Variants in WASF1 observed in about 807,000 individuals in gnomAD.
WASF1 encodes actin-binding protein WASF1.
A neutral mutation model predicts 50.5 loss-of-function variants in WASF1; 7 were observed. The observed-to-expected ratio is 0.14, with a 90% CI of 0.08 to 0.26. The LOEUF (loss-of-function observed/expected upper bound fraction) is 0.26. Among genes scored for constraint, WASF1 ranks in the 10% least tolerant of loss-of-function variants. The pLI, the probability that WASF1 is intolerant of heterozygous loss-of-function variation, is 1.00. For missense variants in WASF1, 470 were observed against 694.7 expected, an observed-to-expected ratio of 0.68 and a Z score of 3.64; for synonymous variants, 205 against 244.0, an observed-to-expected ratio of 0.84 and a Z score of 1.49.
Position 110,101,511 on chromosome 6 carries a change from A to G in WASF1, c.1522+77T>C, listed in dbSNP as rs927957603. On this transcript the variant is annotated intron_variant, in intron 10 of 10. Transcript: ENST00000392589. ...TCACCTAAAATTTTATAGATAAGGA[A>G]CACATTTTTGTCTTAAATATTTAGA... is the stretch of plus-strand genomic sequence containing the variant. The G allele has an allele frequency of 3.3e-6, 5 of 1,513,020 alleles. No individual in the cohort carries two copies. In the African/African-American group the frequency reaches 7.0e-5, roughly 21 times the overall value. 93.7% of individuals were successfully genotyped at this position (1,513,020 alleles called of 1,614,324 possible). A position where few individuals can be genotyped will look rare whatever the true frequency, so the allele number is the denominator to read the frequency against.
intron 2 of WASF1, 31 bp from the exon 3 acceptor site, chr6:110,160,763 C>A (rs1036853891): frequency 1.3e-5 from 2 of 151,580 alleles, no homozygotes; most frequent in African/African-American, 4.8e-5. Flanking sequence ...AAATAATATC[C>A]AACATTTATT....
chr6:110,134,586 G>A (rs1414580220), intron 3 of WASF1, among the ~76,000 whole-genome samples: 1 of 151,832 alleles, frequency 6.6e-6, no homozygotes, highest in African/African-American at 2.4e-5. Flanking sequence ...CACCACGCCT[G>A]GCTAATTTTT....
intron 3 of WASF1, among the ~76,000 whole-genome samples, chr6:110,147,265 GA>G (rs1775612346): frequency 6.6e-6 from 1 of 150,694 alleles, no homozygotes; most frequent in South Asian, 2.1e-4. Flanking sequence ...AGAATGGCGT[GA>G]ACCCGGGAGG....
intron 2 of WASF1, among the ~76,000 whole-genome samples, chr6:110,168,081 C>T (rs527355840): frequency 1.3e-5 from 2 of 151,934 alleles, no homozygotes; most frequent in African/African-American, 4.8e-5. Context: ...TCTCTTATAC[C>T]TCAAAGAATA....
At chr6:110,116,298 T>C (rs966569727) in intron 4 of WASF1, among the ~76,000 whole-genome samples, 9 of 152,194 alleles carry the variant, frequency 5.9e-5, no homozygotes, top group Admixed American at 6.5e-5. Flanking sequence ...TGTGACAGAC[T>C]CTACCTGGAG....
intron 3 of WASF1, among the ~76,000 whole-genome samples, chr6:110,145,353 T>C (rs1218008937): frequency 6.6e-6 from 1 of 152,180 alleles, no homozygotes. Flanking sequence ...CTTAAGGAGA[T>C]TTTGGGCTGA....
chr6:110,115,024 C>T (rs536977885), intron 4 of WASF1, among the ~76,000 whole-genome samples: 4 of 150,264 alleles, frequency 2.7e-5, no homozygotes, highest in South Asian at 2.1e-4. Context: ...CCTAGGAGGT[C>T]GAGGCTATTG....
intron 4 of WASF1, among the ~76,000 whole-genome samples, chr6:110,123,150 T>C (rs1039139370): frequency 4.6e-5 from 7 of 152,344 alleles, no homozygotes; most frequent in African/African-American, 1.4e-4. Flanking sequence ...ATATGTAGAC[T>C]GTAGCATTTA....
intron 8 of WASF1, 29 bp downstream of exon 8, chr6:110,105,378 T>C (rs745601087): frequency 6.4e-7 from 1 of 1,571,908 alleles, no homozygotes; most frequent in South Asian, 1.2e-5. Flanking sequence ...TGTTTTATCA[T>C]TTAAAAAAAA....
At chr6:110,105,662 A>G in intron 7 of WASF1, 83 bp from the exon 8 acceptor site, 1 of 1,287,576 alleles carries the variant, frequency 7.8e-7, no homozygotes, top group Admixed American at 2.0e-5. Context: ...ATTAAACTCT[A>G]ACATCAACAC....
intron 8 of WASF1, 144 bp downstream of exon 8, chr6:110,105,263 C>G: frequency 1.1e-6 from 1 of 875,468 alleles, no homozygotes; most frequent in Non-Finnish European, 1.6e-6. Flanking sequence ...AGTAGGCTCA[C>G]AGTGGTCAGG....
At chr6:110,115,534 C>T (rs1773765734) in intron 4 of WASF1, among the ~76,000 whole-genome samples, 1 of 152,230 alleles carries the variant, frequency 6.6e-6, no homozygotes, top group South Asian at 2.1e-4. Flanking sequence ...TGTACAACAT[C>T]TCTGGCCACT....
At chr6:110,162,674 CA>C (rs1415481604) in intron 2 of WASF1, among the ~76,000 whole-genome samples, 1 of 151,342 alleles carries the variant, frequency 6.6e-6, no homozygotes, top group Non-Finnish European at 1.5e-5. Context: ...ATGATCTTAT[CA>C]AAAGATACTG....
rs533442123 is a variant in WASF1, at chr6:110,134,721, C to T, written c.-28-7092G>A. Among the ~76,000 whole-genome samples, 8 of 152,132 alleles carry T rather than the reference C, an allele frequency of 5.3e-5. No homozygotes were observed. The South Asian group carries it at 6.2e-4, about 12-fold the overall frequency. On this transcript the variant is annotated intron_variant, in intron 3 of 10. Transcript: ENST00000392589. ...GATTACAGGTGTGAGCCACCGCACC[C>T]GGCCTATGTGCCTATTTTTATACCA...
chr6:110,174,271 A>G (rs1168052947), intron 2 of WASF1, among the ~76,000 whole-genome samples: 2 of 152,102 alleles, frequency 1.3e-5, no homozygotes, highest in African/African-American at 2.4e-5. Flanking sequence ...TTTCCTTTAC[A>G]GCATTCACCA....
At chr6:110,137,626 C>A (rs1775027925) in intron 3 of WASF1, among the ~76,000 whole-genome samples, 1 of 152,180 alleles carries the variant, frequency 6.6e-6, no homozygotes, top group South Asian at 2.1e-4. Flanking sequence ...GACGAAAGGA[C>A]CCCAGGGAAG....
chr6:110,113,248 A>G, intron 5 of WASF1, 78 bp downstream of exon 5: 1 of 1,230,200 alleles, frequency 8.1e-7, no homozygotes, highest in Non-Finnish European at 1.1e-6. Context: ...ATTCATGATT[A>G]ATACTGTTAA....
chr6:110,178,670 C>T lies in WASF1; in HGVS notation c.-199G>A, dbSNP rs1441801908. The T allele has an allele frequency of 1.3e-5, 2 of 152,642 alleles. No homozygotes were observed. Among genetic ancestry groups the T allele is most frequent in the Non-Finnish European group, 2.9e-5 (2 of 68,046 alleles). The allele number at this position is 152,642 out of a possible 1,614,324, so 9.5% of individuals were successfully genotyped here. ...TGAATGTTGAGATCGGATGTGCTTT[C>T]TTTCATCGTTATTCCAGTTCATCAT... On this transcript the variant is annotated 5_prime_UTR_variant, in exon 2 of 11. Coordinates refer to ENST00000392589, the MANE Select transcript of WASF1 (RefSeq NM_003931.3).
chr6:110,126,437 A>C (rs1431868587), intron 4 of WASF1, among the ~76,000 whole-genome samples: 4 of 152,234 alleles, frequency 2.6e-5, no homozygotes, highest in Non-Finnish European at 4.4e-5. Context: ...AGAATATTCA[A>C]ATGTAACTTT....
Sources: gnomAD v4.1 joint callset for allele counts (sites outside exome capture counted in the v4.1 genomes callset) on GRCh38, gnomAD v4.1.1 for gene constraint, MANE v1.5 for transcripts, NCBI Gene and HGNC (gene_info 2026-07-23, HGNC 2026-07-21) for gene names.